BNC2: variants seen among roughly 807,000 people sequenced by gnomAD.
The protein encoded by BNC2 is basonuclin zinc finger protein 2.
Under a neutral mutation model 76.3 loss-of-function variants are expected in BNC2, and 20 were observed. That is an observed-to-expected ratio of 0.26 (90% CI 0.18 to 0.38). The LOEUF (loss-of-function observed/expected upper bound fraction) is 0.38, where lower values mean the gene tolerates loss of function less well. Among genes scored for constraint, BNC2 ranks in the 10% least tolerant of loss-of-function variants. The probability of loss-of-function intolerance (pLI) is 1.00; values close to 1 mark genes in which losing one functional copy is unlikely to be tolerated. For synonymous variants in BNC2, 582 were observed against 514.8 expected, an observed-to-expected ratio of 1.13 and a Z score of -1.77; for missense variants, 1,382 against 1,399.8, an observed-to-expected ratio of 0.99 and a Z score of 0.20.
At chr9:16,803,681 GTCAA>G (rs1817836515) in intron 1 of BNC2, among the ~76,000 whole-genome samples, 3 of 152,320 alleles carry the variant, frequency 2.0e-5, no homozygotes, top group South Asian at 2.1e-4. Flanking sequence ...CTTTCCAGAT[GTCAA>G]TCAAATTATC....
intron 1 of BNC2, among the ~76,000 whole-genome samples, chr9:16,858,328 A>G (rs1819313205): frequency 6.6e-6 from 1 of 152,218 alleles, no homozygotes; most frequent in Non-Finnish European, 1.5e-5. Flanking sequence ...ACATCAAAGT[A>G]AAACCAGGGT....
chr9:16,627,998 G>C (rs548927769), intron 3 of BNC2, among the ~76,000 whole-genome samples: 318 of 152,220 alleles, frequency 2.1e-3, no homozygotes, highest in African/African-American at 7.1e-3. Flanking sequence ...GCTAATAACG[G>C]GTTCAGGCCA....
At chr9:16,485,430 C>T (rs970947300) in intron 5 of BNC2, among the ~76,000 whole-genome samples, 7 of 152,088 alleles carry the variant, frequency 4.6e-5, no homozygotes, top group Non-Finnish European at 1.0e-4. Flanking sequence ...GTGGGTCATT[C>T]TGGTTTTAGA....
chr9:16,749,812 G>A (rs943796962), intron 1 of BNC2, among the ~76,000 whole-genome samples: 2 of 152,186 alleles, frequency 1.3e-5, no homozygotes, highest in East Asian at 1.9e-4. Flanking sequence ...CAGGCAAACT[G>A]TAGAGGCCTT....
chr9:16,595,090 T>G (rs557301711), intron 3 of BNC2, among the ~76,000 whole-genome samples: 5 of 152,264 alleles, frequency 3.3e-5, no homozygotes, highest in African/African-American at 1.2e-4. Flanking sequence ...CAGTATTTTA[T>G]AGTCTTTATA....
chr9:16,665,443 AAAG>A (rs1186791582), intron 3 of BNC2, among the ~76,000 whole-genome samples: 1,364 of 95,306 alleles, frequency 0.014, 15 homozygotes, highest in Non-Finnish European at 0.019. Flanking sequence ...GAAAAGAAAG[AAAG>A]AAAGAAAGAA....
chr9:16,765,858 C>G (rs1221369763), intron 1 of BNC2, among the ~76,000 whole-genome samples: 1 of 151,424 alleles, frequency 6.6e-6, no homozygotes, highest in African/African-American at 2.4e-5. Context: ...ACGATCTCGG[C>G]TCACTGCAAG....
chr9:16,509,574 T>C (rs752162840), intron 5 of BNC2, among the ~76,000 whole-genome samples: 10 of 152,158 alleles, frequency 6.6e-5, no homozygotes, highest in African/African-American at 1.9e-4. Context: ...AAAACCAGGA[T>C]AGCAAAAGGA....
At chr9:16,690,678 G>T (rs1823132776) in intron 3 of BNC2, among the ~76,000 whole-genome samples, 1 of 152,188 alleles carries the variant, frequency 6.6e-6, no homozygotes, top group Admixed American at 6.5e-5. Context: ...TATAGGAGAA[G>T]AACTGGATAG....
At chr9:16,675,254 ATTTTTT>A (rs112364703) in intron 3 of BNC2, among the ~76,000 whole-genome samples, 26 of 147,322 alleles carry the variant, frequency 1.8e-4, no homozygotes, top group Admixed American at 7.5e-4. Context: ...AATTGAGTTA[ATTTTTT>A]TTTTTTTAAG....
At chr9:16,427,945 T>C (rs1435761925) in intron 6 of BNC2, among the ~76,000 whole-genome samples, 2 of 152,116 alleles carry the variant, frequency 1.3e-5, no homozygotes. Context: ...AAGTGAAAAA[T>C]AATTTGCTGG....
intron 3 of BNC2, among the ~76,000 whole-genome samples, chr9:16,600,169 T>C (rs1323755829): frequency 6.6e-6 from 1 of 152,218 alleles, no homozygotes; most frequent in Non-Finnish European, 1.5e-5. Flanking sequence ...ACCTTGTAAG[T>C]TTGTGAGATG....
intron 3 of BNC2, among the ~76,000 whole-genome samples, chr9:16,657,307 G>A (rs1821957806): frequency 6.6e-6 from 1 of 152,134 alleles, no homozygotes; most frequent in Admixed American, 6.5e-5. Context: ...AGATTGAACT[G>A]GAACAATGAA....
chr9:16,706,370 C>T (rs1823673764), intron 3 of BNC2, among the ~76,000 whole-genome samples: 1 of 152,170 alleles, frequency 6.6e-6, no homozygotes, highest in African/African-American at 2.4e-5. Flanking sequence ...CTAAAAAGCA[C>T]AAAGTCCCCT....
chr9:16,771,831 C>T (rs569233209), intron 1 of BNC2, among the ~76,000 whole-genome samples: 1 of 152,308 alleles, frequency 6.6e-6, no homozygotes, highest in East Asian at 1.9e-4. Context: ...TTTTATTACC[C>T]TCACAACCCT....
chr9:16,513,468 C>G (rs10119249), intron 5 of BNC2, among the ~76,000 whole-genome samples: 17,297 of 151,650 alleles, frequency 0.11, 1,328 homozygotes, highest in East Asian at 0.29. Flanking sequence ...CACCATGCCC[C>G]GCTAATTTTT....
chr9:16,728,920 G>T (rs906590068), intron 2 of BNC2, among the ~76,000 whole-genome samples: 17 of 152,054 alleles, frequency 1.1e-4, no homozygotes, highest in Admixed American at 5.9e-4. Context: ...CTTTGTTAAA[G>T]TTCCTAGATG....
At chr9:16,632,947 C>A (rs976345347) in intron 3 of BNC2, among the ~76,000 whole-genome samples, 2 of 151,952 alleles carry the variant, frequency 1.3e-5, no homozygotes, top group African/African-American at 4.8e-5. Flanking sequence ...TATTTGGGCC[C>A]CGAAGCATGA....
chr9:16,663,419 T>A (rs946855646), intron 3 of BNC2, among the ~76,000 whole-genome samples: 5 of 152,090 alleles, frequency 3.3e-5, no homozygotes, highest in African/African-American at 1.2e-4. Context: ...TGAGCTACCA[T>A]GCCTGGCCCA....
Sources: allele counts gnomAD v4.1 joint callset (sites outside exome capture counted in the v4.1 genomes callset), GRCh38; gene constraint gnomAD v4.1.1; transcripts MANE v1.5; gene names NCBI Gene and HGNC (gene_info 2026-07-23, HGNC 2026-07-21).